Variants in LURAP1L observed in about 807,000 individuals in gnomAD.
The protein encoded by LURAP1L is leucine rich adaptor protein 1-like.
In LURAP1L, 12 loss-of-function variants were observed where a neutral mutation model predicts 13.8. The ratio of observed to expected loss-of-function variants is 0.87; its 90% CI spans 0.56 to 1.41. The LOEUF (loss-of-function observed/expected upper bound fraction) is 1.41. Ranked by LOEUF, LURAP1L falls within the 40% of genes most tolerant of loss-of-function variation. The probability of loss-of-function intolerance (pLI) is 0.00; values close to 1 mark genes in which losing one functional copy is unlikely to be tolerated. For synonymous variants in LURAP1L, 139 were observed against 119.2 expected (o/e 1.17, Z -1.08); for missense variants, 375 against 292.9 (o/e 1.28, Z -2.04).
Position 12,802,194 on chromosome 9 carries a change from C to T in LURAP1L, c.313-19192C>T, listed in dbSNP as rs117216887. ...CATTTTACCCACACTAAAGAATAGG[C>T]CTGAGATGCTAATAAAGCCTCTAAG... On this transcript the variant is annotated intron_variant, in intron 1 of 1. Transcript: ENST00000319264. Among the ~76,000 whole-genome samples the T allele has an allele frequency of 9.9e-4, 151 of 152,260 alleles. 1 individual carries two copies. Among genetic ancestry groups the T allele is most frequent in the Non-Finnish European group, 1.6e-3 (112 of 68,014 alleles).
Position 12,822,684 on chromosome 9 carries a change from T to C in LURAP1L, c.*924T>C, listed in dbSNP as rs1193755955. ...TCCCTAAAGCAGAATTGTTATTCATTTAAGAAGTCTAATATGATATACATT... is the reference window on the plus strand; with the variant it reads ...TCCCTAAAGCAGAATTGTTATTCATCTAAGAAGTCTAATATGATATACATT... On this transcript the variant is annotated 3_prime_UTR_variant, in exon 2 of 2. Coordinates refer to ENST00000319264, the MANE Select transcript of LURAP1L (RefSeq NM_203403.2). 1.3e-5 allele frequency among the ~76,000 whole-genome samples: 2 copies of C among 152,176 alleles called. No individual in the cohort carries two copies. Among genetic ancestry groups the C allele is most frequent in the Admixed American group, 1.3e-4 (2 of 15,270 alleles).
chr9:12,788,042 G>A (rs967160257), intron 1 of LURAP1L, among the ~76,000 whole-genome samples: 4 of 152,000 alleles, frequency 2.6e-5, no homozygotes, highest in South Asian at 2.1e-4. Flanking sequence ...AACCCAGGAG[G>A]CAGAGGTTGC....
chr9:12,796,500 T>A (rs960556403), intron 1 of LURAP1L, among the ~76,000 whole-genome samples: 71 of 152,184 alleles, frequency 4.7e-4, no homozygotes, highest in African/African-American at 1.6e-3. Flanking sequence ...TGGAAAATAT[T>A]CTATTTTATG....
intron 1 of LURAP1L, among the ~76,000 whole-genome samples, chr9:12,783,834 T>G (rs1485956684): frequency 1.3e-5 from 2 of 151,696 alleles, no homozygotes; most frequent in Admixed American, 1.3e-4. Context: ...GGGCTTTTTT[T>G]TTTTTTTTAA....
At chr9:12,804,226 C>T (rs1255191047) in intron 1 of LURAP1L, among the ~76,000 whole-genome samples, 8 of 152,046 alleles carry the variant, frequency 5.3e-5, no homozygotes, top group Non-Finnish European at 1.2e-4. Flanking sequence ...TTTGTCACAG[C>T]AGAATCATAG....
intron 1 of LURAP1L, among the ~76,000 whole-genome samples, chr9:12,776,783 G>GT (rs1819191811): frequency 6.6e-6 from 1 of 151,994 alleles, no homozygotes; most frequent in Admixed American, 6.6e-5. Context: ...GTTTGCAAAC[G>GT]TTTGCCTGAG....
At chr9:12,796,211 G>T (rs1221797679) in intron 1 of LURAP1L, among the ~76,000 whole-genome samples, 1 of 151,564 alleles carries the variant, frequency 6.6e-6, no homozygotes, top group African/African-American at 2.4e-5. Flanking sequence ...TATAATTAAA[G>T]ATCTTTTCTG....
At chr9:12,813,599 G>A (rs888211295) in intron 1 of LURAP1L, among the ~76,000 whole-genome samples, 2 of 152,242 alleles carry the variant, frequency 1.3e-5, no homozygotes, top group Middle Eastern at 6.8e-3. Context: ...TAATACTGCA[G>A]ATTGAAATTG....
intron 1 of LURAP1L, among the ~76,000 whole-genome samples, chr9:12,793,458 C>A (rs1819471251): frequency 6.6e-6 from 1 of 152,010 alleles, no homozygotes; most frequent in Non-Finnish European, 1.5e-5. Flanking sequence ...TCCTGCTAGG[C>A]ATTTTTTGGA....
chr9:12,804,860 C>T (rs1222011165), intron 1 of LURAP1L, among the ~76,000 whole-genome samples: 1 of 151,958 alleles, frequency 6.6e-6, no homozygotes, highest in Non-Finnish European at 1.5e-5. Flanking sequence ...TCATACTTGT[C>T]AGGTTGGGAC....
chr9:12,798,948 T>C lies in LURAP1L; in HGVS notation c.313-22438T>C, dbSNP rs568896761. Among the ~76,000 whole-genome samples the C allele has an allele frequency of 3.9e-5, 6 of 152,336 alleles. No homozygotes were observed. The East Asian group carries it at 9.7e-4, about 25-fold the overall frequency. ...ATGCTCATGCAGGTCAGTCTCTGTT[T>C]AACTTCAGTTGTAGAATTGCTTCTT... On this transcript the variant is annotated intron_variant, in intron 1 of 1. Transcript: ENST00000319264.
At chr9:12,793,659 T>C (rs1819474799) in intron 1 of LURAP1L, among the ~76,000 whole-genome samples, 8 of 152,074 alleles carry the variant, frequency 5.3e-5, no homozygotes, top group Admixed American at 5.2e-4. Context: ...TGATCAAAAA[T>C]TTTGAGAAGA....
At chr9:12,791,851 G>A (rs544431193) in intron 1 of LURAP1L, among the ~76,000 whole-genome samples, 90 of 152,196 alleles carry the variant, frequency 5.9e-4, no homozygotes, top group African/African-American at 2.1e-3. Context: ...TCCATCGTGT[G>A]TACACTGTTG....
At chr9:12,794,864 G>C (rs1384633289) in intron 1 of LURAP1L, among the ~76,000 whole-genome samples, 1 of 151,656 alleles carries the variant, frequency 6.6e-6, no homozygotes, top group Non-Finnish European at 1.5e-5. Context: ...TTCAATTCTT[G>C]TGATAAGCCC....
rs971452369 is a variant in LURAP1L, at chr9:12,775,662, G to T, written c.-54G>T. 1 of 1,521,530 alleles carries T rather than the reference G, an allele frequency of 6.6e-7. No homozygotes were observed. Among genetic ancestry groups the T allele is most frequent in the Non-Finnish European group, 8.8e-7 (1 of 1,138,258 alleles). The allele number at this position is 1,521,530 out of a possible 1,614,324, so 94.3% of individuals were successfully genotyped here. ...ATTTCGCAGCAGCCTTCGAAGCCGT[G>T]GCTGCCTTTCATCTGCTGCGTTTTA... On this transcript the variant is annotated 5_prime_UTR_variant, in exon 1 of 2. Coordinates refer to ENST00000319264, the MANE Select transcript of LURAP1L (RefSeq NM_203403.2).
chr9:12,806,168 T>C (rs534895147), intron 1 of LURAP1L, among the ~76,000 whole-genome samples: 2 of 152,182 alleles, frequency 1.3e-5, no homozygotes, highest in East Asian at 1.9e-4. Flanking sequence ...CTTACACAAA[T>C]ATAGAGGGAA....
chr9:12,789,908 C>T (rs1819416407), intron 1 of LURAP1L, among the ~76,000 whole-genome samples: 1 of 152,064 alleles, frequency 6.6e-6, no homozygotes, highest in Non-Finnish European at 1.5e-5. Context: ...GAATCTGAGA[C>T]CATACTTTAG....
chr9:12,777,934 G>C (rs1482199585), intron 1 of LURAP1L, among the ~76,000 whole-genome samples: 4 of 152,128 alleles, frequency 2.6e-5, no homozygotes, highest in Non-Finnish European at 5.9e-5. Flanking sequence ...TGGTGGAAAA[G>C]TAATTGCTGT....
At chr9:12,807,308 A>G (rs1482070953) in intron 1 of LURAP1L, among the ~76,000 whole-genome samples, 3 of 151,990 alleles carry the variant, frequency 2.0e-5, no homozygotes, top group Non-Finnish European at 2.9e-5. Context: ...AATAAATAAA[A>G]TGAGACTGAA....
Sources: gnomAD v4.1 joint callset for allele counts (sites outside exome capture counted in the v4.1 genomes callset) on GRCh38, gnomAD v4.1.1 for gene constraint, MANE v1.5 for transcripts, NCBI Gene and HGNC (gene_info 2026-07-23, HGNC 2026-07-21) for gene names.